RALGDS: variants seen among roughly 807,000 people sequenced by gnomAD.
RALGDS encodes ral guanine nucleotide exchange factor.
In RALGDS, 44 loss-of-function variants were observed where a neutral mutation model predicts 99.8. The ratio of observed to expected loss-of-function variants is 0.44; its 90% CI spans 0.35 to 0.57. The LOEUF is 0.57. RALGDS is among the 20% of genes least tolerant of loss of function. RALGDS has a pLI of 0.01. For missense variants in RALGDS, 1,022 were observed against 1,203.1 expected (o/e 0.85, Z 2.23); for synonymous variants, 529 against 505.0 (o/e 1.05, Z -0.64).
At chr9:133,143,191 G>A (rs905436428) in intron 1 of RALGDS, among the ~76,000 whole-genome samples, 2 of 152,218 alleles carry the variant, frequency 1.3e-5, no homozygotes, top group African/African-American at 2.4e-5. Context: ...TGATGGCAGA[G>A]TGGCCACTGA....
chr9:133,108,577 C>T, intron 5 of RALGDS, 96 bp downstream of exon 5: 1 of 1,503,030 alleles, frequency 6.7e-7, no homozygotes, highest in Non-Finnish European at 9.1e-7. Context: ...CATCTGGGCC[C>T]CTGACCCAGC....
intron 1 of RALGDS, among the ~76,000 whole-genome samples, chr9:133,141,080 G>T (rs1025135574): frequency 1.6e-4 from 24 of 152,168 alleles, no homozygotes; most frequent in African/African-American, 4.6e-4. Flanking sequence ...AGGCTCAGAG[G>T]GGTGAAATCA....
rs1290195578 is a variant in RALGDS at position 133,103,353 on chromosome 9, C to A, written c.1759-91G>T. 9.3e-6 allele frequency: 14 copies of A among 1,498,756 alleles called. No individual in the cohort carries two copies. In the African/African-American group the frequency reaches 1.9e-4, roughly 21 times the overall value. The allele number at this position is 1,498,756 out of a possible 1,614,324, so 92.8% of individuals were successfully genotyped here. On this transcript the variant is annotated intron_variant, in intron 11 of 17. Coordinates refer to ENST00000372050, the MANE Select transcript of RALGDS (RefSeq NM_006266.4). ...ATGCTGCACTATCAAGAGTGCCCAC[C>A]AGGGGGCAGGGCACGCACACCCCTG...
rs1190065333 is a variant in RALGDS, at chr9:133,129,028, T to TTC, written c.132+1922_132+1923dup. On this transcript the variant is annotated intron_variant, in intron 1 of 17. Coordinates refer to the RALGDS transcript ENST00000372062. ...GTGAGTTCCAAACTCCTCCAACCAG[T>TTC]TCTGGCAGGGAAGAAAGGGAGTCCT... is the stretch of plus-strand genomic sequence containing the variant. The TTC allele has an allele frequency of 3.8e-6, 5 of 1,315,960 alleles. No homozygotes were observed. The Admixed American group carries it at 1.4e-4, about 36-fold the overall frequency. 81.5% of individuals were successfully genotyped at this position (1,315,960 alleles called of 1,614,324 possible).
At chr9:133,110,150 T>C in intron 3 of RALGDS, 146 bp downstream of exon 3, 2 of 847,000 alleles carry the variant, frequency 2.4e-6, no homozygotes, top group Admixed American at 2.2e-5. Context: ...GACAACCCCA[T>C]GAGGTCCTCT....
intron 9 of RALGDS, chr9:133,104,579 A>G (rs1830924676): frequency 3.8e-6 from 2 of 521,682 alleles, no homozygotes; most frequent in African/African-American, 1.9e-5. Flanking sequence ...TGGAAGGCCA[A>G]GGCAGGTGGA....
chr9:133,143,792 T>TAACAACAACAACAACAACAACAAC (rs1403577351), intron 1 of RALGDS, among the ~76,000 whole-genome samples: 1 of 123,206 alleles, frequency 8.1e-6, no homozygotes, highest in Non-Finnish European at 1.6e-5. Context: ...ACAACAATAA[T>TAACAACAACAACAACAACAACAAC]AATAATAATA....
intron 1 of RALGDS, among the ~76,000 whole-genome samples, chr9:133,115,360 C>T (rs935165795): frequency 3.9e-5 from 6 of 152,194 alleles, no homozygotes; most frequent in African/African-American, 1.2e-4. Context: ...CGGCCTGCTC[C>T]GCCCCTGGTC....
At chr9:133,098,965 C>T (rs1167759784) in intron 17 of RALGDS, 1 of 591,062 alleles carries the variant, frequency 1.7e-6, no homozygotes, top group Non-Finnish European at 3.0e-6. Context: ...AACCTGATGA[C>T]TCTTGTTTAA....
chr9:133,112,134 C>T lies in RALGDS; in HGVS notation c.202G>A (p.Gly68Ser), dbSNP rs767809928. ...PRPESSTQEI[G>S]EELINGVIYS... Reference sequence around the variant, plus strand: ...ATGACTCCGTTGATCAGCTCCTCACCGATCTCCTGCGTGGAGCTCTGTGAA... The same window carrying T: ...ATGACTCCGTTGATCAGCTCCTCACTGATCTCCTGCGTGGAGCTCTGTGAA... Residue 68 changes from glycine (G) to serine (S), a missense_variant, in exon 2 of 18, where the codon GGT becomes AGT. Gly to Ser is a moderately conservative substitution (Grantham distance 56, BLOSUM62 0). Around this residue, in one of 3 missense-constraint regions of RALGDS, gnomAD observed 180 missense variants for 169.3 expected, o/e 1.06. Transcript: ENST00000372050. 73 of 1,567,172 alleles carry T rather than the reference C, an allele frequency of 4.7e-5. 2 individuals are homozygous for T. In the Admixed American group the frequency reaches 7.0e-4, roughly 15 times the overall value.
chr9:133,137,197 C>T (rs776617801), intron 1 of RALGDS, among the ~76,000 whole-genome samples: 7 of 151,672 alleles, frequency 4.6e-5, no homozygotes, highest in African/African-American at 9.7e-5. Context: ...CGTGCCACTG[C>T]ACTCCAGCCT....
At chr9:133,133,047 C>T (rs1282172130), upstream of RALGDS, among the ~76,000 whole-genome samples, 2 of 152,178 alleles carry the variant, frequency 1.3e-5, no homozygotes, top group African/African-American at 2.4e-5. Context: ...GGACAAGCAG[C>T]TCCCGGGTAC....
At chr9:133,148,641 G>A (rs1009446692) in intron 1 of RALGDS, among the ~76,000 whole-genome samples, 9 of 152,264 alleles carry the variant, frequency 5.9e-5, no homozygotes, top group African/African-American at 2.2e-4. Context: ...CATGGGAGAT[G>A]GGCAGGGGTC....
intron 10 of RALGDS, 86 bp downstream of exon 10, chr9:133,104,177 A>G: frequency 7.2e-7 from 1 of 1,397,524 alleles, no homozygotes; most frequent in South Asian, 1.2e-5. Context: ...AATGGGGCCC[A>G]TAGGCACCGT....
chr9:133,102,309 G>C (rs913088340), intron 14 of RALGDS, among the ~76,000 whole-genome samples, 167 bp downstream of exon 14: 1 of 152,158 alleles, frequency 6.6e-6, no homozygotes, highest in Admixed American at 6.5e-5. Context: ...TCACAGAGGA[G>C]GAAACTGAGG....
At chr9:133,129,382 C>G in intron 1 of RALGDS, 1 of 1,477,424 alleles carries the variant, frequency 6.8e-7, no homozygotes. Context: ...GTGCTCGTCG[C>G]CTGCGTGCCC....
intron 1 of RALGDS, among the ~76,000 whole-genome samples, chr9:133,137,274 T>C (rs526449): frequency 0.31 from 47,392 of 152,222 alleles, 8,073 homozygotes; most frequent in East Asian, 0.56. Context: ...GGTCCTTTCA[T>C]GCCCCCCATG....
upstream of RALGDS, among the ~76,000 whole-genome samples, chr9:133,132,884 G>A (rs113010700): frequency 3.9e-4 from 60 of 152,138 alleles, 1 homozygote; most frequent in African/African-American, 1.3e-3. Context: ...AGATCCGCCC[G>A]CCTTGGCCTC....
At chr9:133,146,558 G>T (rs1427234287) in intron 1 of RALGDS, among the ~76,000 whole-genome samples, 2 of 152,140 alleles carry the variant, frequency 1.3e-5, no homozygotes, top group Non-Finnish European at 2.9e-5. Flanking sequence ...CCTCCACACT[G>T]GCCCCAGAGA....
Sources: gnomAD v4.1 joint callset for allele counts (sites outside exome capture counted in the v4.1 genomes callset) on GRCh38, gnomAD v4.1.1 for gene constraint, gnomAD v4.1.1 regional missense constraint, MANE v1.5 for transcripts, NCBI Gene and HGNC (gene_info 2026-07-23, HGNC 2026-07-21) for gene names.